Variants in PITPNC1 observed in about 807,000 individuals in gnomAD.
PITPNC1 encodes the protein cytoplasmic phosphatidylinositol transfer protein 1.
In PITPNC1, 18 loss-of-function variants were observed where a neutral mutation model predicts 44.7. The observed-to-expected ratio is 0.40, with a 90% CI of 0.28 to 0.60. The LOEUF is 0.60. Among genes scored for constraint, PITPNC1 ranks in the 20% least tolerant of loss-of-function variants. The pLI is 0.39. For synonymous variants in PITPNC1, 141 were observed against 149.6 expected (o/e 0.94, Z 0.42); for missense variants, 290 against 418.4 (o/e 0.69, Z 2.68).
At chr17:67,636,354 C>G (rs2042032996) in intron 6 of PITPNC1, among the ~76,000 whole-genome samples, 1 of 149,340 alleles carries the variant, frequency 6.7e-6, no homozygotes, top group South Asian at 2.2e-4. Flanking sequence ...AAGCCTTGTT[C>G]TACAGGAAGA....
intron 5 of PITPNC1, among the ~76,000 whole-genome samples, chr17:67,589,858 C>G (rs974527197): frequency 6.6e-5 from 10 of 152,122 alleles, no homozygotes; most frequent in Non-Finnish European, 1.3e-4. Flanking sequence ...ATCCCAGCTA[C>G]TCGGGAGGCT....
intron 5 of PITPNC1, among the ~76,000 whole-genome samples, chr17:67,599,027 TA>T (rs1568059421): frequency 2.0e-3 from 68 of 33,672 alleles, no homozygotes; most frequent in South Asian, 4.6e-3. Context: ...TATATATATA[TA>T]TATATATTTT....
intron 8 of PITPNC1, among the ~76,000 whole-genome samples, chr17:67,684,181 G>C (rs1381480039): frequency 7.1e-6 from 1 of 141,430 alleles, no homozygotes; most frequent in East Asian, 2.1e-4. Context: ...ACATGATCTT[G>C]ACTCACTGCA....
chr17:67,439,591 C>T (rs1354583913), intron 1 of PITPNC1, among the ~76,000 whole-genome samples: 1 of 152,108 alleles, frequency 6.6e-6, no homozygotes, highest in African/African-American at 2.4e-5. Context: ...CATTACTCTT[C>T]CACATTTCAC....
Position 67,669,660 on chromosome 17 carries a change from C to A in PITPNC1, c.615C>A (p.His205Gln). The A allele has an allele frequency of 6.3e-7, 1 of 1,589,452 alleles. No individual in the cohort carries two copies. The change falls in exon 7 of 9, where the codon CAC becomes CAA. Residue 205 changes from histidine to glutamine, a missense_variant. Transcript: ENST00000581322. ...GLQTRVEQFV[H>Q]KVVRDILLIG... is the part of the protein sequence containing the mutation. ...AGACCAGAGTGGAACAATTTGTACA[C>A]AAGGTAAGTGGTCCAACAGCAGTTC...
intron 1 of PITPNC1, among the ~76,000 whole-genome samples, chr17:67,425,264 GA>G (rs2038745857): frequency 9.6e-6 from 1 of 104,260 alleles, no homozygotes; most frequent in African/African-American, 3.2e-5. Flanking sequence ...CACACACACA[GA>G]GGGAGAGAGA....
chr17:67,427,548 G>A (rs971697734), intron 1 of PITPNC1, among the ~76,000 whole-genome samples: 8 of 151,912 alleles, frequency 5.3e-5, no homozygotes, highest in South Asian at 2.1e-4. Flanking sequence ...CGGACTCCTC[G>A]GACTCCTCAC....
chr17:67,527,910 A>G (rs1165997474), intron 1 of PITPNC1, among the ~76,000 whole-genome samples: 2 of 152,164 alleles, frequency 1.3e-5, no homozygotes, highest in Non-Finnish European at 2.9e-5. Flanking sequence ...CTGAGGCAGG[A>G]GGATTGCTTG....
At chr17:67,536,296 G>A (rs148193568) in intron 2 of PITPNC1, among the ~76,000 whole-genome samples, 157 of 152,260 alleles carry the variant, frequency 1.0e-3, no homozygotes, top group Middle Eastern at 3.4e-3. Context: ...GAGACAGCCA[G>A]CTCCGTCACC....
chr17:67,689,339 C>T (rs1308672380), intron 8 of PITPNC1, among the ~76,000 whole-genome samples: 1 of 152,188 alleles, frequency 6.6e-6, no homozygotes, highest in African/African-American at 2.4e-5. Flanking sequence ...GGCTGCCCCT[C>T]AGCGTTGTTC....
intron 1 of PITPNC1, among the ~76,000 whole-genome samples, chr17:67,494,320 C>T (rs943943083): frequency 6.6e-6 from 1 of 151,880 alleles, no homozygotes; most frequent in Non-Finnish European, 1.5e-5. Context: ...CTGCCTCAGC[C>T]TCCCGAGTAC....
intron 2 of PITPNC1, among the ~76,000 whole-genome samples, chr17:67,544,499 C>A (rs1295978299): frequency 6.6e-6 from 1 of 152,198 alleles, no homozygotes; most frequent in Non-Finnish European, 1.5e-5. Flanking sequence ...ACCACCCTGG[C>A]TGCTGGATTA....
intron 8 of PITPNC1, among the ~76,000 whole-genome samples, chr17:67,690,450 A>G (rs2042901645): frequency 6.7e-6 from 1 of 149,138 alleles, no homozygotes; most frequent in Non-Finnish European, 1.5e-5. Context: ...CTCTGTCTCA[A>G]AAAAAAAAAA....
chr17:67,667,293 C>A (rs189622511), intron 6 of PITPNC1, among the ~76,000 whole-genome samples: 72 of 152,080 alleles, frequency 4.7e-4, no homozygotes, highest in African/African-American at 1.7e-3. Flanking sequence ...CTCTGGGAGG[C>A]CGAGGTGGGC....
At chr17:67,498,326 G>T (rs147167796) in intron 1 of PITPNC1, among the ~76,000 whole-genome samples, 7 of 152,240 alleles carry the variant, frequency 4.6e-5, no homozygotes, top group Non-Finnish European at 1.0e-4. Flanking sequence ...GGACATGGTG[G>T]CTCAGGCCTG....
At chr17:67,624,720 G>C (rs1322560010) in intron 5 of PITPNC1, among the ~76,000 whole-genome samples, 1 of 151,702 alleles carries the variant, frequency 6.6e-6, no homozygotes, top group Admixed American at 6.6e-5. Flanking sequence ...ACTGGGTTTT[G>C]CCATGTTGCC....
chr17:67,412,489 G>A (rs2038516080), intron 1 of PITPNC1, among the ~76,000 whole-genome samples: 1 of 152,122 alleles, frequency 6.6e-6, no homozygotes, highest in African/African-American at 2.4e-5. Flanking sequence ...CCTTAAATAA[G>A]CCCTGATTTA....
intron 1 of PITPNC1, among the ~76,000 whole-genome samples, chr17:67,522,000 G>T (rs2040330921): frequency 6.6e-6 from 1 of 152,006 alleles, no homozygotes; most frequent in African/African-American, 2.4e-5. Context: ...CTCCAGAATG[G>T]TCATATATTA....
At chr17:67,395,170 CTTT>C (rs902427835) in intron 1 of PITPNC1, among the ~76,000 whole-genome samples, 2 of 140,952 alleles carry the variant, frequency 1.4e-5, no homozygotes, top group Admixed American at 7.2e-5. Context: ...CAGGTTTTTT[CTTT>C]TTTTTTTTTT....
Sources: gnomAD v4.1 joint callset for allele counts (sites outside exome capture counted in the v4.1 genomes callset) on GRCh38, gnomAD v4.1.1 for gene constraint, MANE v1.5 for transcripts, NCBI Gene and HGNC (gene_info 2026-07-23, HGNC 2026-07-21) for gene names.